Variants in NKAIN3 observed in about 807,000 individuals in gnomAD.
NKAIN3 encodes sodium/potassium-transporting ATPase subunit beta-1-interacting protein 3.
NKAIN3 carries 25 observed loss-of-function variants against 30.2 expected under a neutral mutation model. The ratio of observed to expected loss-of-function variants is 0.83; its 90% CI spans 0.60 to 1.16. The LOEUF is 1.16. NKAIN3 is among the 50% of genes most tolerant of loss of function. NKAIN3 has a pLI of 0.00. For synonymous variants in NKAIN3, 91 were observed against 89.6 expected (o/e 1.02, Z -0.09); for missense variants, 225 against 254.1 (o/e 0.89, Z 0.78).
At chr8:62,818,451 G>T (rs1818752931) in intron 4 of NKAIN3, among the ~76,000 whole-genome samples, 1 of 152,148 alleles carries the variant, frequency 6.6e-6, no homozygotes, top group Non-Finnish European at 1.5e-5. Context: ...TGTACATGAT[G>T]CATGGAAAGC....
rs114924781 is a variant in NKAIN3, at chr8:62,938,543, C to T, written c.533-15359C>T. 5.4e-3 allele frequency among the ~76,000 whole-genome samples: 814 copies of T among 151,612 alleles called. 16 individuals are homozygous for T. Among genetic ancestry groups the T allele is most frequent in the African/African-American group, 0.019 (790 of 40,952 alleles). On this transcript the variant is annotated intron_variant, in intron 5 of 6. Coordinates refer to ENST00000623646, the MANE Select transcript of NKAIN3 (RefSeq NM_001304533.3). ...CTGGAGCAGTTGCTAGTAACCATGG[C>T]TAAGTGACCTGAAGACAGTTCACAC...
intron 3 of NKAIN3, among the ~76,000 whole-genome samples, chr8:62,680,659 T>C (rs1813618945): frequency 6.6e-6 from 1 of 152,202 alleles, no homozygotes; most frequent in Non-Finnish European, 1.5e-5. Flanking sequence ...GATTTTCTAA[T>C]GTCTTCTGCC....
chr8:62,347,885 A>G (rs2351942), intron 1 of NKAIN3, among the ~76,000 whole-genome samples: 26,325 of 151,994 alleles, frequency 0.17, 2,541 homozygotes, highest in East Asian at 0.42. Flanking sequence ...CAGTTCAAGG[A>G]AGAGATTCTT....
intron 1 of NKAIN3, among the ~76,000 whole-genome samples, chr8:62,291,781 C>T (rs1464917857): frequency 2.0e-5 from 3 of 152,098 alleles, no homozygotes; most frequent in Non-Finnish European, 4.4e-5. Context: ...AGTTCAATTC[C>T]TGGATATCTT....
chr8:62,803,767 A>G (rs548949815), intron 4 of NKAIN3, among the ~76,000 whole-genome samples: 12 of 152,232 alleles, frequency 7.9e-5, no homozygotes, highest in Non-Finnish European at 1.2e-4. Flanking sequence ...CTAAAATCAG[A>G]GCAGAACTGA....
intron 4 of NKAIN3, among the ~76,000 whole-genome samples, chr8:62,911,617 G>A (rs1041172859): frequency 2.6e-5 from 4 of 151,936 alleles, no homozygotes; most frequent in Admixed American, 2.0e-4. Context: ...AGAGACTCTT[G>A]ATCTGCCTGG....
chr8:62,259,826 C>A (rs966099268), intron 1 of NKAIN3, among the ~76,000 whole-genome samples: 2 of 152,128 alleles, frequency 1.3e-5, no homozygotes, highest in African/African-American at 4.8e-5. Flanking sequence ...AGAGCATCTG[C>A]AGTTCATTGA....
At chr8:62,449,668 A>T (rs933503392) in intron 1 of NKAIN3, among the ~76,000 whole-genome samples, 1 of 152,134 alleles carries the variant, frequency 6.6e-6, no homozygotes, top group Non-Finnish European at 1.5e-5. Flanking sequence ...AAGTTTAAGT[A>T]TTAAAATACT....
chr8:62,923,149 A>G (rs1822331515), intron 5 of NKAIN3, among the ~76,000 whole-genome samples: 1 of 151,834 alleles, frequency 6.6e-6, no homozygotes, highest in Non-Finnish European at 1.5e-5. Context: ...ATACAAAAAC[A>G]TAGCCGGGTG....
At chr8:62,760,911 G>A (rs566338495) in intron 4 of NKAIN3, among the ~76,000 whole-genome samples, 54 of 152,176 alleles carry the variant, frequency 3.5e-4, no homozygotes, top group African/African-American at 1.1e-3. Flanking sequence ...AACAAATCCT[G>A]GGGTACAGGA....
At chr8:62,741,987 C>A (rs1815915151) in intron 3 of NKAIN3, among the ~76,000 whole-genome samples, 1 of 152,110 alleles carries the variant, frequency 6.6e-6, no homozygotes, top group African/African-American at 2.4e-5. Flanking sequence ...ATTCTACAAA[C>A]TATTCCTTGA....
At chr8:62,719,243 G>A (rs1203000974) in intron 3 of NKAIN3, among the ~76,000 whole-genome samples, 1 of 152,126 alleles carries the variant, frequency 6.6e-6, no homozygotes, top group Non-Finnish European at 1.5e-5. Context: ...AGCTTAACAA[G>A]AACAATAGAC....
intron 4 of NKAIN3, among the ~76,000 whole-genome samples, chr8:62,806,888 G>A (rs895027284): frequency 6.6e-6 from 1 of 151,696 alleles, no homozygotes; most frequent in African/African-American, 2.4e-5. Context: ...ATTTCCACTT[G>A]TCTACATGAG....
At chr8:62,600,637 T>C (rs567190956) in intron 3 of NKAIN3, among the ~76,000 whole-genome samples, 1 of 152,114 alleles carries the variant, frequency 6.6e-6, no homozygotes, top group African/African-American at 2.4e-5. Context: ...CTGCATTTGT[T>C]TCTCTATGAC....
chr8:62,736,597 C>T (rs755002349), intron 3 of NKAIN3, among the ~76,000 whole-genome samples: 3 of 152,148 alleles, frequency 2.0e-5, no homozygotes, highest in Admixed American at 6.5e-5. Context: ...GAGAACTTGC[C>T]CCAGGCTACC....
chr8:62,791,684 C>T (rs1817704792), intron 4 of NKAIN3, among the ~76,000 whole-genome samples: 1 of 152,028 alleles, frequency 6.6e-6, no homozygotes, highest in Non-Finnish European at 1.5e-5. Flanking sequence ...CCTATTCCTC[C>T]CATGTGAGAA....
intron 1 of NKAIN3, among the ~76,000 whole-genome samples, chr8:62,568,794 C>T (rs565551245): frequency 6.6e-6 from 1 of 152,246 alleles, no homozygotes; most frequent in East Asian, 1.9e-4. Context: ...CCCCATTTCA[C>T]TTCTTGAGAT....
chr8:62,544,504 A>G lies in NKAIN3; in HGVS notation c.55-35035A>G, dbSNP rs376899639. On this transcript the variant is annotated intron_variant, in intron 1 of 6. Coordinates refer to ENST00000623646, the MANE Select transcript of NKAIN3 (RefSeq NM_001304533.3). ...AAACACTTTAAAACTTTATATTTAC[A>G]TATTTCTTTAAGGCCTCATTTTTCA... is the stretch of plus-strand genomic sequence containing the variant. Among the ~76,000 whole-genome samples the G allele has an allele frequency of 7.2e-5, 11 of 152,244 alleles. No homozygotes were observed. The South Asian group carries it at 2.3e-3, about 32-fold the overall frequency.
rs551492207 is a variant in NKAIN3 at position 62,689,724 on chromosome 8, A to G, written c.274-57208A>G. On this transcript the variant is annotated intron_variant, in intron 3 of 6. Transcript: ENST00000623646. Reference sequence around the variant, plus strand: ...CTTAGCCCAGAATTCCTATCCCCTTATCTGAATTTCCTCTTCTTTATCTCT... The same window carrying G: ...CTTAGCCCAGAATTCCTATCCCCTTGTCTGAATTTCCTCTTCTTTATCTCT... Among the ~76,000 whole-genome samples the G allele has an allele frequency of 2.4e-3, 363 of 152,190 alleles. 1 individual carries two copies. Among genetic ancestry groups the G allele is most frequent in the Non-Finnish European group, 3.9e-3 (268 of 68,012 alleles).
Sources: gnomAD v4.1 joint callset for allele counts (sites outside exome capture counted in the v4.1 genomes callset) on GRCh38, gnomAD v4.1.1 for gene constraint, MANE v1.5 for transcripts, NCBI Gene and HGNC (gene_info 2026-07-23, HGNC 2026-07-21) for gene names.